The following MBNL1 variants were observed in gnomAD, a reference collection of about 807,000 sequenced individuals.
MBNL1 encodes muscleblind-like protein 1.
In MBNL1, 8 loss-of-function variants were observed where a neutral mutation model predicts 42.2. The observed-to-expected ratio is 0.19, with a 90% CI of 0.11 to 0.34. The LOEUF is 0.34. Ranked by LOEUF, MBNL1 falls within the 10% of genes least tolerant of loss-of-function variation. MBNL1 has a pLI of 1.00. For missense variants in MBNL1, 309 were observed against 495.3 expected (o/e 0.62, Z 3.57); for synonymous variants, 169 against 173.9 (o/e 0.97, Z 0.22).
chr3:152,333,067 C>G (rs1203298863), intron 2 of MBNL1, among the ~76,000 whole-genome samples: 1 of 152,128 alleles, frequency 6.6e-6, no homozygotes, highest in African/African-American at 2.4e-5. Context: ...CTGAAGCTCT[C>G]TCTAAACTCA....
intron 2 of MBNL1, among the ~76,000 whole-genome samples, chr3:152,320,347 T>C (rs1244332044): frequency 1.3e-5 from 2 of 152,294 alleles, no homozygotes; most frequent in African/African-American, 4.8e-5. Context: ...GGCACTATAA[T>C]GGACTATTTA....
intron 6 of MBNL1, among the ~76,000 whole-genome samples, chr3:152,454,497 A>G (rs1226394622): frequency 6.6e-6 from 1 of 152,238 alleles, no homozygotes; most frequent in Non-Finnish European, 1.5e-5. Flanking sequence ...AATCCCATAG[A>G]AAGAACAGTA....
rs75143425 is a variant in MBNL1 at position 152,389,807 on chromosome 3, G to A, written c.175-25134G>A. On this transcript the variant is annotated intron_variant, in intron 2 of 9. Coordinates refer to ENST00000324210, the MANE Select transcript of MBNL1 (RefSeq NM_021038.5). Reference sequence around the variant, plus strand: ...CATGACTGTTGGCTTTACAAACACTGTGCTCTTAGGCTATACTAAATGTAT... The same window carrying A: ...CATGACTGTTGGCTTTACAAACACTATGCTCTTAGGCTATACTAAATGTAT... Among the ~76,000 whole-genome samples the A allele has an allele frequency of 7.7e-3, 1,179 of 152,208 alleles. 7 individuals are homozygous for A. The highest frequency in any genetic ancestry group is 0.014 in the Admixed American group (215 of 15,290).
intron 2 of MBNL1, among the ~76,000 whole-genome samples, chr3:152,247,444 T>A (rs1377739567): frequency 1.3e-5 from 2 of 151,988 alleles, no homozygotes; most frequent in Non-Finnish European, 2.9e-5. Flanking sequence ...ATTTTCATGA[T>A]ACATGAAAAG....
chr3:152,271,636 G>A (rs1384943632), intron 1 of MBNL1, among the ~76,000 whole-genome samples: 2 of 152,126 alleles, frequency 1.3e-5, no homozygotes, highest in Non-Finnish European at 2.9e-5. Context: ...AAAGGCATTA[G>A]GGTGGGTAGT....
Position 152,464,873 on chromosome 3 carries a change from A to G in MBNL1, c.*2507A>G, listed in dbSNP as rs2153991020. On this transcript the variant is annotated 3_prime_UTR_variant, in exon 10 of 10. Transcript: ENST00000324210. ...ATAATAGTAAGATCTTATTTTGAAT[A>G]AAAACGTCTATAATTACAAGGAGTT... 6.5e-6 allele frequency: 1 copy of G among 152,768 alleles called. No homozygotes were observed. The highest frequency in any genetic ancestry group is 6.5e-5 in the Admixed American group (1 of 15,304). 9.5% of individuals were successfully genotyped at this position (152,768 alleles called of 1,614,324 possible). A position where few individuals can be genotyped will look rare whatever the true frequency, so the allele number is the denominator to read the frequency against.
chr3:152,288,235 G>C (rs534883047), intron 1 of MBNL1, among the ~76,000 whole-genome samples: 1 of 152,282 alleles, frequency 6.6e-6, no homozygotes, highest in Non-Finnish European at 1.5e-5. Context: ...AGTGAGGGCG[G>C]AATGTTTTTA....
intron 2 of MBNL1, among the ~76,000 whole-genome samples, chr3:152,327,686 C>T (rs912177303): frequency 1.3e-5 from 2 of 152,022 alleles, no homozygotes; most frequent in African/African-American, 4.8e-5. Context: ...GTTTCTTTTC[C>T]ACTCGTGATG....
chr3:152,292,131 G>A (rs540833097), intron 1 of MBNL1, among the ~76,000 whole-genome samples: 9 of 152,296 alleles, frequency 5.9e-5, no homozygotes, highest in African/African-American at 7.2e-5. Flanking sequence ...GGACTTGGAC[G>A]AAGGCCTATT....
At chr3:152,355,118 A>C (rs1230121957) in intron 2 of MBNL1, among the ~76,000 whole-genome samples, 1 of 152,186 alleles carries the variant, frequency 6.6e-6, no homozygotes. Flanking sequence ...CAATTAAAAG[A>C]AAGTATGACA....
intron 9 of MBNL1, among the ~76,000 whole-genome samples, 196 bp from the exon 10 acceptor site, chr3:152,462,189 G>A (rs1342729697): frequency 6.6e-6 from 1 of 152,002 alleles, no homozygotes; most frequent in Admixed American, 6.6e-5. Flanking sequence ...TAAATTGTAC[G>A]TGTTATTTCA....
chr3:152,417,213 TGAGG>T, intron 3 of MBNL1, among the ~76,000 whole-genome samples: 1 of 152,238 alleles, frequency 6.6e-6, no homozygotes, highest in East Asian at 1.9e-4. Context: ...CCTGTTTTGA[TGAGG>T]GTAATGACAT....
chr3:152,444,914 T>C (rs2099201014), intron 4 of MBNL1, among the ~76,000 whole-genome samples: 1 of 152,216 alleles, frequency 6.6e-6, no homozygotes, highest in Non-Finnish European at 1.5e-5. Flanking sequence ...ATACACAACA[T>C]CATTATGTCT....
chr3:152,357,612 G>A (rs1397276810), intron 2 of MBNL1, among the ~76,000 whole-genome samples: 3 of 151,970 alleles, frequency 2.0e-5, no homozygotes, highest in African/African-American at 4.8e-5. Flanking sequence ...TGTGTGTTTT[G>A]GGAAAGTAGA....
intron 2 of MBNL1, among the ~76,000 whole-genome samples, chr3:152,352,615 T>G (rs6440800): frequency 6.6e-6 from 1 of 152,094 alleles, no homozygotes; most frequent in Non-Finnish European, 1.5e-5. Flanking sequence ...TGTTGTTGTT[T>G]TTAAACTTAC....
chr3:152,398,945 TTC>T (rs2098102813), intron 2 of MBNL1, among the ~76,000 whole-genome samples: 1 of 152,248 alleles, frequency 6.6e-6, no homozygotes, highest in African/African-American at 2.4e-5. Context: ...TAAATTTAGC[TTC>T]TTTTTTGAAG....
chr3:152,313,391 C>T (rs1388553538), intron 2 of MBNL1, among the ~76,000 whole-genome samples: 1 of 152,182 alleles, frequency 6.6e-6, no homozygotes, highest in Non-Finnish European at 1.5e-5. Context: ...TCAGCTGGAT[C>T]TGAGTTTGAT....
intron 2 of MBNL1, among the ~76,000 whole-genome samples, chr3:152,347,916 C>T (rs2094488423): frequency 6.6e-6 from 1 of 152,088 alleles, no homozygotes; most frequent in African/African-American, 2.4e-5. Context: ...AATCCCACAA[C>T]TGTATGTTGT....
chr3:152,392,242 C>T (rs903422440), intron 2 of MBNL1, among the ~76,000 whole-genome samples: 1 of 152,028 alleles, frequency 6.6e-6, no homozygotes, highest in Non-Finnish European at 1.5e-5. Flanking sequence ...TAATCCCCTG[C>T]TTAGGTAACA....
Sources: allele counts gnomAD v4.1 joint callset (sites outside exome capture counted in the v4.1 genomes callset), GRCh38; gene constraint gnomAD v4.1.1; transcripts MANE v1.5; gene names NCBI Gene and HGNC (gene_info 2026-07-23, HGNC 2026-07-21).